Variants in MTA3 observed in about 807,000 individuals in gnomAD.
MTA3 encodes the protein metastasis associated 1 family member 3.
Under a neutral mutation model 83.5 loss-of-function variants are expected in MTA3, and 34 were observed. That is an observed-to-expected ratio of 0.41 (90% CI 0.31 to 0.54). The LOEUF (loss-of-function observed/expected upper bound fraction) is 0.54. Among genes scored for constraint, MTA3 ranks in the 20% least tolerant of loss-of-function variants. MTA3 has a pLI of 0.33. For synonymous variants in MTA3, 303 were observed against 252.7 expected, an observed-to-expected ratio of 1.20 and a Z score of -1.89; for missense variants, 761 against 726.4, an observed-to-expected ratio of 1.05 and a Z score of -0.55.
At chr2:42,602,554 G>A (rs1379598656) in intron 3 of MTA3, among the ~76,000 whole-genome samples, 3 of 152,026 alleles carry the variant, frequency 2.0e-5, no homozygotes, top group Admixed American at 6.6e-5. Context: ...GTTGGTCTAT[G>A]TTCTTTCAGT....
At chr2:42,680,617 A>G (rs539288402) in intron 8 of MTA3, among the ~76,000 whole-genome samples, 1 of 152,320 alleles carries the variant, frequency 6.6e-6, no homozygotes, top group South Asian at 2.1e-4. Flanking sequence ...ATAGGCAGAG[A>G]TGATTTTGTT....
chr2:42,612,155 C>T (rs1027248852), intron 4 of MTA3, among the ~76,000 whole-genome samples: 1 of 151,792 alleles, frequency 6.6e-6, no homozygotes, highest in Admixed American at 6.6e-5. Context: ...AGAGATGGAA[C>T]ATAAAAACGT....
At chr2:42,746,691 G>C (rs1669461058) in intron 16 of MTA3, among the ~76,000 whole-genome samples, 1 of 152,170 alleles carries the variant, frequency 6.6e-6, no homozygotes, top group South Asian at 2.1e-4. Flanking sequence ...CCTAGAATAG[G>C]AGAAACATGT....
At chr2:42,526,681 C>A (rs563466786) in intron 2 of MTA3, among the ~76,000 whole-genome samples, 90 of 152,232 alleles carry the variant, frequency 5.9e-4, no homozygotes, top group Non-Finnish European at 9.4e-4. Flanking sequence ...GTTCTAGTAT[C>A]TGAAACAACA....
chr2:42,600,239 CT>C (rs1407866961), intron 3 of MTA3, among the ~76,000 whole-genome samples: 1 of 152,026 alleles, frequency 6.6e-6, no homozygotes, highest in Non-Finnish European at 1.5e-5. Context: ...TTGTGGTTGT[CT>C]GTCTTTTCAT....
At chr2:42,580,141 C>T (rs1030886840) in intron 3 of MTA3, among the ~76,000 whole-genome samples, 2 of 151,950 alleles carry the variant, frequency 1.3e-5, no homozygotes, top group Non-Finnish European at 2.9e-5. Flanking sequence ...GAGATAGAGT[C>T]TCCCTATGTT....
rs185837475 is a variant in MTA3 at position 42,665,801 on chromosome 2, G to A, written c.702+5939G>A. On this transcript the variant is annotated intron_variant, in intron 8 of 16. Coordinates refer to ENST00000405094, the MANE Select transcript of MTA3 (RefSeq NM_001330442.2). ...AAGACTGTTTTACAGGTGATGAGCC[G>A]AAGGGACAAAACAATACATTGTATA... 1.1e-4 allele frequency among the ~76,000 whole-genome samples: 16 copies of A among 152,236 alleles called. No homozygotes were observed. In the East Asian group the frequency reaches 1.7e-3, roughly 17 times the overall value.
chr2:42,627,925 C>A (rs1308060095), intron 4 of MTA3, among the ~76,000 whole-genome samples: 1 of 151,778 alleles, frequency 6.6e-6, no homozygotes, highest in Non-Finnish European at 1.5e-5. Flanking sequence ...CACTCTGTTG[C>A]CCAGGCTGGA....
At chr2:42,615,605 CG>C (rs1429828034) in intron 4 of MTA3, among the ~76,000 whole-genome samples, 3 of 151,538 alleles carry the variant, frequency 2.0e-5, no homozygotes, top group African/African-American at 7.3e-5. Flanking sequence ...CCGCCCACCT[CG>C]GCGTCCCAAA....
intron 4 of MTA3, chr2:42,613,646 C>T (rs1684492539): frequency 6.6e-6 from 1 of 152,206 alleles, no homozygotes; most frequent in Non-Finnish European, 1.5e-5. Flanking sequence ...CTATCAAGTG[C>T]CCAGAATTTC....
At chr2:42,647,632 T>C (rs1198747017) in intron 6 of MTA3, among the ~76,000 whole-genome samples, 9 of 152,178 alleles carry the variant, frequency 5.9e-5, no homozygotes. Flanking sequence ...TATTTATTTT[T>C]ACATTTTATA....
chr2:42,614,214 C>T (rs1241180387), intron 4 of MTA3: 2 of 152,170 alleles, frequency 1.3e-5, no homozygotes, highest in Admixed American at 6.6e-5. Flanking sequence ...TCTCTTGCCT[C>T]AGCCTCCCGA....
At chr2:42,527,788 G>A (rs1386767276) in intron 2 of MTA3, among the ~76,000 whole-genome samples, 1 of 151,368 alleles carries the variant, frequency 6.6e-6, no homozygotes, top group East Asian at 1.9e-4. Context: ...CCAGAAGGGT[G>A]AGGCCAGCCT....
intron 2 of MTA3, among the ~76,000 whole-genome samples, chr2:42,500,931 C>T (rs376811015): frequency 4.8e-4 from 73 of 151,952 alleles, no homozygotes; most frequent in African/African-American, 1.6e-3. Flanking sequence ...CTGCCTCAGC[C>T]TCCCGAGTAG....
At chr2:42,569,622 G>C (rs1366230088) in intron 1 of MTA3, 2 of 152,106 alleles carry the variant, frequency 1.3e-5, no homozygotes, top group Admixed American at 6.6e-5. Context: ...AGAGAGCGGC[G>C]AAAGAGCCAC....
At chr2:42,744,027 G>T (rs553694439) in intron 16 of MTA3, among the ~76,000 whole-genome samples, 249 of 152,188 alleles carry the variant, frequency 1.6e-3, no homozygotes, top group Non-Finnish European at 2.9e-3. Context: ...TCAAAGGGTA[G>T]TGTCATAACC....
intron 16 of MTA3, among the ~76,000 whole-genome samples, chr2:42,739,102 A>G (rs915301559): frequency 1.3e-4 from 19 of 150,458 alleles, no homozygotes; most frequent in Non-Finnish European, 2.4e-4. Context: ...CTATTTGCAC[A>G]CTCCCTCCCC....
chr2:42,579,869 A>G (rs1255824989), intron 3 of MTA3, among the ~76,000 whole-genome samples: 1 of 152,020 alleles, frequency 6.6e-6, no homozygotes, highest in Non-Finnish European at 1.5e-5. Flanking sequence ...TTTTGTGAGG[A>G]TACAGATAGG....
intron 15 of MTA3, among the ~76,000 whole-genome samples, chr2:42,721,330 CTT>C (rs773375150): frequency 2.2e-4 from 31 of 138,082 alleles, no homozygotes; most frequent in Admixed American, 3.6e-4. Flanking sequence ...TTTTCTTTTT[CTT>C]TTTTTTTTTT....
Sources: gnomAD v4.1 joint callset for allele counts (sites outside exome capture counted in the v4.1 genomes callset) on GRCh38, gnomAD v4.1.1 for gene constraint, MANE v1.5 for transcripts, NCBI Gene and HGNC (gene_info 2026-07-23, HGNC 2026-07-21) for gene names.